The following NCAM2 variants were observed in gnomAD, a reference collection of about 807,000 sequenced individuals.
NCAM2 encodes N-CAM-2.
Under a neutral mutation model 98.1 loss-of-function variants are expected in NCAM2, and 30 were observed. The observed-to-expected ratio is 0.31, with a 90% confidence interval of 0.23 to 0.41. NCAM2 has a LOEUF of 0.41. Ranked by LOEUF, NCAM2 falls within the 10% of genes least tolerant of loss-of-function variation. The pLI is 1.00. For synonymous variants in NCAM2, 368 were observed against 342.4 expected (o/e 1.07, Z -0.83); for missense variants, 867 against 1,005.8 (o/e 0.86, Z 1.87).
At chr21:21,176,930 C>T (rs1298703826) in intron 1 of NCAM2, among the ~76,000 whole-genome samples, 2 of 151,474 alleles carry the variant, frequency 1.3e-5, no homozygotes, top group Non-Finnish European at 2.9e-5. Flanking sequence ...AATCTCCTAA[C>T]AGACATACCT....
chr21:21,300,779 T>TTGC (rs1555859666), intron 5 of NCAM2, among the ~76,000 whole-genome samples: 1 of 151,406 alleles, frequency 6.6e-6, no homozygotes, highest in Non-Finnish European at 1.5e-5. Flanking sequence ...TTCATAATTA[T>TTGC]TACTTAGTTT....
At chr21:21,190,741 T>G (rs2068794342) in intron 1 of NCAM2, among the ~76,000 whole-genome samples, 1 of 152,146 alleles carries the variant, frequency 6.6e-6, no homozygotes, top group African/African-American at 2.4e-5. Flanking sequence ...CAGGATGACT[T>G]TGGACAACTT....
At chr21:21,372,898 T>C (rs2075952207) in intron 8 of NCAM2, among the ~76,000 whole-genome samples, 1 of 151,868 alleles carries the variant, frequency 6.6e-6, no homozygotes, top group African/African-American at 2.4e-5. Flanking sequence ...CAAGAGAACA[T>C]GTTTATTTTC....
In NCAM2 at chr21:21,286,370, A is replaced by G. The variant is rs968910165; in HGVS notation, c.439A>G (p.Ser147Gly). The G allele has an allele frequency of 3.7e-6, 6 of 1,612,360 alleles. No individual in the cohort carries two copies. The highest frequency in any genetic ancestry group is 5.1e-6 in the Non-Finnish European group (6 of 1,179,016). ...TAGCAGTTCACCTGCACCTGCTGTCAGCTGGTTGTATCATAATGAGGAAGT... is the reference window on the plus strand; with the variant it reads ...TAGCAGTTCACCTGCACCTGCTGTCGGCTGGTTGTATCATAATGAGGAAGT... The part of the protein sequence containing the change: ...RVSSSPAPAV[S>G]WLYHNEEVTT... The change falls in exon 4 of 18, where the codon AGC becomes GGC. Residue 147 changes from serine (S) to glycine (G), a missense_variant. By Grantham distance (56) the Ser-to-Gly change is moderately conservative. Around this residue, in one of 5 missense-constraint regions of NCAM2, gnomAD observed 447 missense variants for 495.7 expected, o/e 0.90. Transcript: ENST00000400546.
chr21:21,537,281 A>C (rs28479137), intron 17 of NCAM2, among the ~76,000 whole-genome samples: 1 of 151,638 alleles, frequency 6.6e-6, no homozygotes, highest in Non-Finnish European at 1.5e-5. Context: ...TCCTGACCTC[A>C]AGTGATCCAC....
chr21:21,375,751 A>G (rs1032229491), intron 9 of NCAM2, among the ~76,000 whole-genome samples: 18 of 151,688 alleles, frequency 1.2e-4, no homozygotes, highest in African/African-American at 4.1e-4. Context: ...AATGAAGAAA[A>G]AAAAAACTTA....
chr21:21,401,678 T>A (rs760724173), intron 9 of NCAM2, among the ~76,000 whole-genome samples: 13 of 152,214 alleles, frequency 8.5e-5, no homozygotes, highest in Admixed American at 2.0e-4. Flanking sequence ...CTATGTGTTT[T>A]GTATCCATTC....
At chr21:21,039,094 G>A (rs2064853137) in intron 1 of NCAM2, among the ~76,000 whole-genome samples, 1 of 152,080 alleles carries the variant, frequency 6.6e-6, no homozygotes, top group Non-Finnish European at 1.5e-5. Context: ...ATGACATGTA[G>A]TTAATTAAGA....
chr21:21,075,088 C>T (rs947377137), intron 1 of NCAM2, among the ~76,000 whole-genome samples: 4 of 152,112 alleles, frequency 2.6e-5, no homozygotes, highest in Non-Finnish European at 5.9e-5. Context: ...AACACAGGGA[C>T]AGAAAACCAA....
At chr21:21,523,045 G>A (rs558144935) in intron 16 of NCAM2, among the ~76,000 whole-genome samples, 2 of 151,856 alleles carry the variant, frequency 1.3e-5, no homozygotes, top group African/African-American at 4.9e-5. Context: ...GTTGTTTGTT[G>A]TTTTGCTATT....
Position 21,472,488 on chromosome 21 carries a change from A to G in NCAM2, c.1896+3705A>G, listed in dbSNP as rs182664511. On this transcript the variant is annotated intron_variant, in intron 14 of 17. Transcript: ENST00000400546. ...TTTGAAGTATTTTTAAACAATGAAT[A>G]CTTATGGACATTAAAGAGTAGCAAG... 5.3e-5 allele frequency among the ~76,000 whole-genome samples: 8 copies of G among 152,186 alleles called. No individual in the cohort carries two copies. In the East Asian group the frequency reaches 1.5e-3, roughly 29 times the overall value.
intron 1 of NCAM2, among the ~76,000 whole-genome samples, chr21:21,065,202 CAAAAAAA>C (rs764948288): frequency 5.3e-5 from 8 of 151,598 alleles, no homozygotes; most frequent in Non-Finnish European, 8.9e-5. Context: ...AAACAAAAAA[CAAAAAAA>C]CAAAACAAAA....
intron 8 of NCAM2, among the ~76,000 whole-genome samples, chr21:21,344,325 T>G (rs746832088): frequency 3.3e-5 from 5 of 152,070 alleles, no homozygotes; most frequent in Non-Finnish European, 7.4e-5. Context: ...GGGTAAAGCA[T>G]GAAGTGGGGT....
intron 8 of NCAM2, among the ~76,000 whole-genome samples, chr21:21,356,856 G>A (rs2075495902): frequency 6.6e-6 from 1 of 152,094 alleles, no homozygotes; most frequent in East Asian, 1.9e-4. Flanking sequence ...AGGGCGTGGT[G>A]GCACATGCCT....
intron 1 of NCAM2, among the ~76,000 whole-genome samples, chr21:21,249,997 G>T (rs1273940634): frequency 6.6e-6 from 1 of 152,126 alleles, no homozygotes; most frequent in Non-Finnish European, 1.5e-5. Flanking sequence ...AAGAACCACT[G>T]CCCTCAGGTC....
intron 12 of NCAM2, among the ~76,000 whole-genome samples, chr21:21,449,565 TATA>T (rs1980710959): frequency 6.6e-6 from 1 of 152,018 alleles, no homozygotes; most frequent in Non-Finnish European, 1.5e-5. Flanking sequence ...GACATTTAAA[TATA>T]ATAACTATAA....
chr21:21,047,532 G>T (rs2146282456), intron 1 of NCAM2, among the ~76,000 whole-genome samples: 1 of 152,270 alleles, frequency 6.6e-6, no homozygotes, highest in East Asian at 1.9e-4. Context: ...CTTAAGGAAA[G>T]ATGTTCTAGT....
intron 12 of NCAM2, among the ~76,000 whole-genome samples, chr21:21,464,343 A>G (rs1397128531): frequency 1.3e-5 from 2 of 152,208 alleles, no homozygotes; most frequent in East Asian, 3.9e-4. Flanking sequence ...TCTGTGTTCT[A>G]TTGCACTCTT....
chr21:21,010,676 G>A (rs1248474602), intron 1 of NCAM2, among the ~76,000 whole-genome samples: 1 of 152,074 alleles, frequency 6.6e-6, no homozygotes, highest in East Asian at 1.9e-4. Flanking sequence ...AGTTTCACTT[G>A]AGCTTTCCTG....
Sources: gnomAD v4.1 joint callset for allele counts (sites outside exome capture counted in the v4.1 genomes callset) on GRCh38, gnomAD v4.1.1 for gene constraint, gnomAD v4.1.1 regional missense constraint, MANE v1.5 for transcripts, NCBI Gene and HGNC (gene_info 2026-07-23, HGNC 2026-07-21) for gene names.